The following OTUD7A variants were observed in gnomAD, a reference collection of about 807,000 sequenced individuals.
The protein encoded by OTUD7A is OTU domain-containing protein 7A.
Under a neutral mutation model 65.7 loss-of-function variants are expected in OTUD7A, and 12 were observed. The ratio of observed to expected loss-of-function variants is 0.18; its 90% confidence interval spans 0.12 to 0.30. OTUD7A has a LOEUF of 0.30. OTUD7A is among the 10% of genes least tolerant of loss of function. The pLI, the probability that OTUD7A is intolerant of heterozygous loss-of-function variation, is 1.00. For synonymous variants in OTUD7A, 641 were observed against 586.3 expected (o/e 1.09, Z -1.35); for missense variants, 1,148 against 1,304.8 (o/e 0.88, Z 1.85).
At chr15:31,582,263 C>T (rs921780669) in intron 3 of OTUD7A, among the ~76,000 whole-genome samples, 5 of 152,216 alleles carry the variant, frequency 3.3e-5, no homozygotes, top group African/African-American at 1.2e-4. Context: ...GCATTTTGGT[C>T]AAAGCCATTC....
intron 1 of OTUD7A, among the ~76,000 whole-genome samples, chr15:31,863,298 G>A (rs1379555339): frequency 2.6e-5 from 4 of 152,160 alleles, no homozygotes; most frequent in African/African-American, 9.7e-5. Context: ...TCTTCTCATA[G>A]CTCCACTAGG....
At chr15:31,808,516 T>C (rs1896339252) in intron 1 of OTUD7A, among the ~76,000 whole-genome samples, 1 of 152,134 alleles carries the variant, frequency 6.6e-6, no homozygotes, top group Non-Finnish European at 1.5e-5. Context: ...CCACCTCCTT[T>C]TGGGTCAGCC....
chr15:31,665,651 A>G (rs1892298318), intron 1 of OTUD7A, among the ~76,000 whole-genome samples: 1 of 152,042 alleles, frequency 6.6e-6, no homozygotes, highest in Non-Finnish European at 1.5e-5. Context: ...GATGCCCTTT[A>G]TTTCTCTCGT....
intron 1 of OTUD7A, among the ~76,000 whole-genome samples, chr15:31,772,311 T>C (rs894274492): frequency 2.6e-5 from 4 of 152,006 alleles, no homozygotes; most frequent in Non-Finnish European, 5.9e-5. Context: ...AAACTGTTTA[T>C]ATCCCTCTGA....
intron 1 of OTUD7A, chr15:31,765,945 A>G: frequency 6.7e-6 from 9 of 1,345,226 alleles, no homozygotes; most frequent in Non-Finnish European, 9.6e-6. Context: ...AATATTTTCT[A>G]AAAGTTCTGC....
intron 5 of OTUD7A, chr15:31,557,860 G>A (rs1010793351): frequency 5.9e-5 from 9 of 152,138 alleles, no homozygotes; most frequent in African/African-American, 1.9e-4. Context: ...GCCGAGCACC[G>A]AGAAAAGCTC....
rs1001672666 is a variant in OTUD7A, at chr15:31,478,206, T to G, written c.*5088A>C. The G allele has an allele frequency of 2.6e-5, 4 of 152,368 alleles. No individual in the cohort carries two copies. The highest frequency in any genetic ancestry group is 1.9e-4 in the East Asian group (1 of 5,188). The allele number at this position is 152,368 out of a possible 1,614,324, so 9.4% of individuals were successfully genotyped here. A position where few individuals can be genotyped will look rare whatever the true frequency, so the allele number is the denominator to read the frequency against. ...TTCTTCGTTTAAAGGAGCACTCCAGTGTCTGCAGATAAATTCTAAAACAGC... is the reference window on the plus strand; with the variant it reads ...TTCTTCGTTTAAAGGAGCACTCCAGGGTCTGCAGATAAATTCTAAAACAGC... On this transcript the variant is annotated 3_prime_UTR_variant, in exon 13 of 13. Coordinates refer to ENST00000307050, the MANE Select transcript of OTUD7A (RefSeq NM_001382637.1).
chr15:31,558,510 G>A (rs1888573679), intron 5 of OTUD7A: 1 of 179,278 alleles, frequency 5.6e-6, no homozygotes, highest in Admixed American at 5.4e-5. Flanking sequence ...AGCGTTGCCG[G>A]GTCAGCAGTC....
intron 1 of OTUD7A, among the ~76,000 whole-genome samples, chr15:31,838,710 G>C (rs1033522964): frequency 6.7e-6 from 1 of 148,562 alleles, no homozygotes; most frequent in Non-Finnish European, 1.5e-5. Context: ...ACTCCTAAGT[G>C]ATCCTGAGGG....
At chr15:31,641,872 C>T (rs1439331408) in intron 3 of OTUD7A, among the ~76,000 whole-genome samples, 1 of 152,100 alleles carries the variant, frequency 6.6e-6, no homozygotes, top group Non-Finnish European at 1.5e-5. Context: ...AGATAGTTTG[C>T]TTCTTCTTTT....
At chr15:31,671,106 T>C (rs1341651721) in intron 1 of OTUD7A, among the ~76,000 whole-genome samples, 4 of 152,262 alleles carry the variant, frequency 2.6e-5, no homozygotes, top group Admixed American at 2.6e-4. Flanking sequence ...TTTGCTTTTA[T>C]TGCAATTGCT....
intron 8 of OTUD7A, among the ~76,000 whole-genome samples, chr15:31,524,092 G>A (rs2041975574): frequency 6.6e-6 from 1 of 151,958 alleles, no homozygotes; most frequent in Non-Finnish European, 1.5e-5. Context: ...AAGCAACTCT[G>A]TTTGGTAGAT....
chr15:31,525,727 C>T lies in OTUD7A; in HGVS notation c.893+622G>A, dbSNP rs1239649291. ...GCCGCGGCCAAGGCTCTATGGCTGC[C>T]CCACTGGTCTGGCCACGGTCTTCAT... On this transcript the variant is annotated intron_variant, in intron 8 of 12. Transcript: ENST00000307050. Among the ~76,000 whole-genome samples the T allele has an allele frequency of 2.6e-5, 4 of 152,370 alleles. No homozygotes were observed. The East Asian group carries it at 7.7e-4, about 29-fold the overall frequency.
intron 1 of OTUD7A, among the ~76,000 whole-genome samples, chr15:31,823,909 A>C (rs1211312755): frequency 6.6e-6 from 1 of 152,232 alleles, no homozygotes; most frequent in Non-Finnish European, 1.5e-5. Flanking sequence ...TCATGGCATA[A>C]ACTGTCATAT....
chr15:31,711,768 A>G (rs1893453434), intron 1 of OTUD7A, among the ~76,000 whole-genome samples: 1 of 140,522 alleles, frequency 7.1e-6, no homozygotes, highest in Non-Finnish European at 1.5e-5. Context: ...ATAAAGGAGA[A>G]GAAATGCCTT....
intron 1 of OTUD7A, among the ~76,000 whole-genome samples, chr15:31,660,852 A>G (rs1053037148): frequency 6.6e-6 from 1 of 152,196 alleles, no homozygotes; most frequent in Non-Finnish European, 1.5e-5. Context: ...TCTCAAACAC[A>G]TTGTCTTGTA....
intron 1 of OTUD7A, among the ~76,000 whole-genome samples, chr15:31,721,699 G>A (rs534153666): frequency 6.6e-6 from 1 of 151,698 alleles, no homozygotes; most frequent in East Asian, 1.9e-4. Flanking sequence ...ATCAACAGTT[G>A]GTTTCCTTTT....
intron 5 of OTUD7A, among the ~76,000 whole-genome samples, chr15:31,537,437 G>T (rs1252438967): frequency 1.3e-5 from 2 of 152,130 alleles, no homozygotes; most frequent in African/African-American, 4.8e-5. Flanking sequence ...CTAACAAATT[G>T]GTATATTCTT....
At chr15:31,816,828 TGTTTTTC>T (rs1487939084) in intron 1 of OTUD7A, among the ~76,000 whole-genome samples, 4 of 152,254 alleles carry the variant, frequency 2.6e-5, no homozygotes, top group Non-Finnish European at 5.9e-5. Flanking sequence ...AACTGTGTTA[TGTTTTTC>T]ATATGCACTC....
Sources: allele counts gnomAD v4.1 joint callset (sites outside exome capture counted in the v4.1 genomes callset), GRCh38; gene constraint gnomAD v4.1.1; transcripts MANE v1.5; gene names NCBI Gene and HGNC (gene_info 2026-07-23, HGNC 2026-07-21).